The following NET1 variants were observed in gnomAD, a reference collection of about 807,000 sequenced individuals.
NET1 encodes the protein neuroepithelial cell-transforming gene 1 protein.
In NET1, 42 loss-of-function variants were observed where a neutral mutation model predicts 61.1. The ratio of observed to expected loss-of-function variants is 0.69; its 90% CI spans 0.54 to 0.89. The LOEUF (loss-of-function observed/expected upper bound fraction) is 0.89, where lower values mean the gene tolerates loss of function less well. Among genes scored for constraint, NET1 ranks in the 40% least tolerant of loss-of-function variants. The probability of loss-of-function intolerance (pLI) is 0.00; values close to 1 mark genes in which losing one functional copy is unlikely to be tolerated. For missense variants in NET1, 654 were observed against 747.3 expected (o/e 0.88, Z 1.46); for synonymous variants, 254 against 281.8 (o/e 0.90, Z 0.99).
In NET1 at chr10:5,426,978, T is replaced by C. The variant is rs1832268388; in HGVS notation, c.195+257T>C. ...CTTTAACTCTATGCCATCCTTTCTC[T>C]TATTCCTTTCAATGTTAAATCTGAT... On this transcript the variant is annotated intron_variant, in intron 2 of 11. Transcript: ENST00000355029. The surrounding 1 kb of genome is among the most constrained non-coding windows in gnomAD (Gnocchi z 4.6). Among the ~76,000 whole-genome samples the C allele has an allele frequency of 6.6e-6, 1 of 152,210 alleles. No individual in the cohort carries two copies.
In NET1 at chr10:5,443,055, G is replaced by A. The variant is rs61564696; in HGVS notation, c.256-8775G>A. 6.6e-3 allele frequency among the ~76,000 whole-genome samples: 1,007 copies of A among 152,256 alleles called. 38 individuals carry two copies. The East Asian group carries it at 0.11, about 16-fold the overall frequency. ...AAGTATTGGCAATTTAGTGAATACT[G>A]CTAGCCTGGGACTCAGGAGACTTTG... On this transcript the variant is annotated intron_variant, in intron 3 of 11. Coordinates refer to ENST00000355029, the MANE Select transcript of NET1 (RefSeq NM_001047160.3). This position sits in a 1 kb window ranked among gnomAD's most constrained non-coding sequence, Gnocchi z 4.8.
At chr10:5,430,927 A>G (rs899677862) in intron 3 of NET1, among the ~76,000 whole-genome samples, 1 of 146,628 alleles carries the variant, frequency 6.8e-6, no homozygotes, top group African/African-American at 2.5e-5. Flanking sequence ...GCTGGAGTGC[A>G]GTGGCGCGAT....
At position 5,412,593 on chromosome 10, in the gene NET1, C is replaced by A; in HGVS notation, c.-100C>A. ...TGACGGCGGTGGCGGCTGCAGTCCG[C>A]TGACAGGCGCTTTCTGCCTGGCAGA... On this transcript the variant is annotated 5_prime_UTR_variant, in exon 1 of 12. It adds an upstream start codon to the 5' untranslated region. Coordinates refer to ENST00000355029, the MANE Select transcript of NET1 (RefSeq NM_001047160.3). This position sits in a 1 kb window ranked among gnomAD's most constrained non-coding sequence, Gnocchi z 6.5. The A allele has an allele frequency of 7.6e-7, 1 of 1,312,620 alleles. No homozygotes were observed. The highest frequency in any genetic ancestry group is 1.6e-5 in the African/African-American group (1 of 63,792). The allele number at this position is 1,312,620 out of a possible 1,614,324, so 81.3% of individuals were successfully genotyped here.
rs982596347 is a variant in NET1, at chr10:5,412,727, G to A, written c.35G>A (p.Arg12Gln). The A allele has an allele frequency of 4.1e-6, 6 of 1,479,158 alleles. No individual in the cohort carries two copies. In the African/African-American group the frequency reaches 7.3e-5, roughly 18 times the overall value. 91.6% of individuals were successfully genotyped at this position (1,479,158 alleles called of 1,614,324 possible). The change falls in exon 1 of 12, where the codon CGA (arginine) becomes CAA (glutamine). Residue 12 changes from arginine to glutamine, a missense_variant. Arg to Gln is a conservative substitution (Grantham distance 43). Transcript: ENST00000355029. The surrounding 1 kb of genome is among the most constrained non-coding windows in gnomAD (Gnocchi z 6.5). ...EPELAAQKQP[R>Q]PRRRSRRASG... ...GAGCTGGCGGCTCAGAAGCAGCCTC[G>A]ACCGCGGAGGCGAAGCCGCCGGGCC...
chr10:5,430,348 T>C (rs929088469), intron 3 of NET1, among the ~76,000 whole-genome samples: 1 of 152,134 alleles, frequency 6.6e-6, no homozygotes, highest in Non-Finnish European at 1.5e-5. Flanking sequence ...AATATTCCAT[T>C]TACTATCTTT....
chr10:5,419,370 C>G (rs1381384230), intron 1 of NET1, among the ~76,000 whole-genome samples: 1 of 152,012 alleles, frequency 6.6e-6, no homozygotes, highest in Non-Finnish European at 1.5e-5. Flanking sequence ...CTGTCCATTT[C>G]TTTTGATTGG....
At position 5,452,884 on chromosome 10, in the gene NET1, A is replaced by G; in HGVS notation, c.558A>G (p.Glu186=). Residue 186 remains glutamate (E), a synonymous_variant, in exon 6 of 12, where the codon GAA becomes GAG. Coordinates refer to ENST00000355029, the MANE Select transcript of NET1 (RefSeq NM_001047160.3). This position sits in a 1 kb window ranked among gnomAD's most constrained non-coding sequence, Gnocchi z 4.0. The part of the protein sequence containing the change: ...QEAIYEMSRG[E]QDLIEDLKLA... ...CAATATATGAAATGTCCCGAGGTGA[A>G]CAGGATTTAATTGAGGATCTCAAAC... 1.9e-6 allele frequency: 3 copies of G among 1,613,686 alleles called. No individual in the cohort carries two copies. The highest frequency in any genetic ancestry group is 2.5e-6 in the Non-Finnish European group (3 of 1,179,726).
rs1181768383 is a variant in NET1 at position 5,437,406 on chromosome 10, T to C, written c.255+8177T>C. ...GTGTGTTAAAGTACCATAATCTATT[T>C]AACCAGTCTTTTAAGAATGGCTATT... On this transcript the variant is annotated intron_variant, in intron 3 of 11. Transcript: ENST00000355029. This position sits in a 1 kb window ranked among gnomAD's most constrained non-coding sequence, Gnocchi z 4.3. 2.6e-5 allele frequency among the ~76,000 whole-genome samples: 4 copies of C among 152,192 alleles called. No homozygotes were observed. The highest frequency in any genetic ancestry group is 5.9e-5 in the Non-Finnish European group (4 of 68,022).
chr10:5,426,706 C>A lies in NET1; in HGVS notation c.180C>A (p.Asn60Lys), dbSNP rs938984799. Residue 60 changes from asparagine (N) to lysine (K), a missense_variant, in exon 2 of 12, where the codon AAC becomes AAA. Coordinates refer to ENST00000355029, the MANE Select transcript of NET1 (RefSeq NM_001047160.3). This position sits in a 1 kb window ranked among gnomAD's most constrained non-coding sequence, Gnocchi z 4.6. ...TCACATTCTTAACACCTGGCCCCAACTGGGACTTCACTTTGGTGAGTAGAT... is the reference window on the plus strand; with the variant it reads ...TCACATTCTTAACACCTGGCCCCAAATGGGACTTCACTTTGGTGAGTAGAT... ...SSFTFLTPGP[N>K]WDFTLKRKRR... 3 of 1,603,340 alleles carry A rather than the reference C, an allele frequency of 1.9e-6. No homozygotes were observed. Among genetic ancestry groups the A allele is most frequent in the Admixed American group, 3.5e-5 (2 of 57,280 alleles).
intron 2 of NET1, among the ~76,000 whole-genome samples, chr10:5,428,245 CGTGG>C (rs1403654528): frequency 1.3e-5 from 2 of 151,858 alleles, no homozygotes; most frequent in Non-Finnish European, 2.9e-5. Context: ...AAGTGTTACC[CGTGG>C]GTGCTTATTC....
intron 2 of NET1, among the ~76,000 whole-genome samples, chr10:5,428,133 G>A (rs990719666): frequency 6.7e-6 from 1 of 149,822 alleles, no homozygotes; most frequent in South Asian, 2.1e-4. Context: ...TCACTGTGGG[G>A]CCAGGAAGTT....
Position 5,454,161 on chromosome 10 carries a change from A to G in NET1, c.769-104A>G. ...CAGAAAATGTCCACAGCTTGTTAAA[A>G]CTCTCAAGAATAGCTGTACATTTTG... is the stretch of plus-strand genomic sequence containing the variant. On this transcript the variant is annotated intron_variant, in intron 8 of 11. Transcript: ENST00000355029. This position sits in a 1 kb window ranked among gnomAD's most constrained non-coding sequence, Gnocchi z 8.1. 1 of 1,200,746 alleles carries G rather than the reference A, an allele frequency of 8.3e-7. No individual in the cohort carries two copies. 74.4% of individuals were successfully genotyped at this position (1,200,746 alleles called of 1,614,324 possible). A position where few individuals can be genotyped will look rare whatever the true frequency, so the allele number is the denominator to read the frequency against.
At position 5,423,587 on chromosome 10, in the gene NET1, T is replaced by C. The variant is rs1184086937; in HGVS notation, c.129-3068T>C. Among the ~76,000 whole-genome samples the C allele has an allele frequency of 6.6e-6, 1 of 152,198 alleles. No individual in the cohort carries two copies. The highest frequency in any genetic ancestry group is 1.5e-5 in the Non-Finnish European group (1 of 68,020). On this transcript the variant is annotated intron_variant, in intron 1 of 11. Coordinates refer to ENST00000355029, the MANE Select transcript of NET1 (RefSeq NM_001047160.3). This position sits in a 1 kb window ranked among gnomAD's most constrained non-coding sequence, Gnocchi z 4.4. The stretch of plus-strand genomic sequence containing the variant: ...TTTATTCCTTAAATGTTGTAATTAT[T>C]TGGATATATAGAAAAATACATTGGA...
chr10:5,445,152 G>C (rs1217055071), intron 3 of NET1, among the ~76,000 whole-genome samples: 1 of 152,122 alleles, frequency 6.6e-6, no homozygotes, highest in Admixed American at 6.5e-5. Context: ...ACATCCATCT[G>C]TTCCATCTTT....
In NET1 at chr10:5,431,653, A is replaced by T. The variant is rs1266306579; in HGVS notation, c.255+2424A>T. Among the ~76,000 whole-genome samples the T allele has an allele frequency of 6.6e-6, 1 of 152,218 alleles. No homozygotes were observed. The highest frequency in any genetic ancestry group is 1.5e-5 in the Non-Finnish European group (1 of 68,034). The stretch of plus-strand genomic sequence containing the variant: ...GATTCTTTTCCTTTGTCAGTTTTCA[A>T]CAATAACGAATTCTATTCATTAGCA... On this transcript the variant is annotated intron_variant, in intron 3 of 11. Transcript: ENST00000355029. The surrounding 1 kb of genome is among the most constrained non-coding windows in gnomAD (Gnocchi z 4.9).
At position 5,412,792 on chromosome 10, in the gene NET1, G is replaced by A; in HGVS notation, c.100G>A (p.Asp34Asn). 6.9e-7 allele frequency: 1 copy of A among 1,452,168 alleles called. No individual in the cohort carries two copies. The highest frequency in any genetic ancestry group is 9.0e-7 in the Non-Finnish European group (1 of 1,106,380). 90.0% of individuals were successfully genotyped at this position (1,452,168 alleles called of 1,614,324 possible). A position where few individuals can be genotyped will look rare whatever the true frequency, so the allele number is the denominator to read the frequency against. Residue 34 changes from aspartate (D) to asparagine (N), a missense_variant, in exon 1 of 12, where the codon GAC becomes AAC. Physicochemically the swap from Asp to Asn is conservative, Grantham distance 23. Coordinates refer to ENST00000355029, the MANE Select transcript of NET1 (RefSeq NM_001047160.3). The surrounding 1 kb of genome is among the most constrained non-coding windows in gnomAD (Gnocchi z 6.5). ...GGAGGGAGCGACGGGGCCTTCGGCC[G>A]ACACCTCCGGGTCGGAGCTGGACGG... ...STEGATGPSA[D>N]TSGSELDGRC... is the part of the protein sequence containing the mutation.
At chr10:5,448,638 T>A (rs1490277615) in intron 3 of NET1, among the ~76,000 whole-genome samples, 3 of 7,258 alleles carry the variant, frequency 4.1e-4, no homozygotes, top group Non-Finnish European at 4.0e-3. Context: ...TAAAGCTTGT[T>A]GGCATTTTTT....
chr10:5,429,542 G>A (rs942915254), intron 3 of NET1, among the ~76,000 whole-genome samples: 1 of 152,136 alleles, frequency 6.6e-6, no homozygotes, highest in Non-Finnish European at 1.5e-5. Context: ...GTGGTGAAAA[G>A]GAGAGCCCCA....
chr10:5,423,006 T>A lies in NET1; in HGVS notation c.129-3649T>A, dbSNP rs946853756. ...CATGTATGGTATAATTCTTTTTATA[T>A]GTTTGGCATTTACAGATTACATTTT... On this transcript the variant is annotated intron_variant, in intron 1 of 11. Transcript: ENST00000355029. The surrounding 1 kb of genome is among the most constrained non-coding windows in gnomAD (Gnocchi z 4.4). Among the ~76,000 whole-genome samples, 87 of 152,362 alleles carry A rather than the reference T, an allele frequency of 5.7e-4. No individual in the cohort carries two copies. Among genetic ancestry groups the A allele is most frequent in the African/African-American group, 2.0e-3 (85 of 41,586 alleles).
Sources: allele counts gnomAD v4.1 joint callset (sites outside exome capture counted in the v4.1 genomes callset), GRCh38; gene constraint gnomAD v4.1.1; non-coding constraint Gnocchi (gnomAD v3.1); transcripts MANE v1.5; gene names NCBI Gene and HGNC (gene_info 2026-07-23, HGNC 2026-07-21).